The following EFL1 variants were observed in gnomAD, a reference collection of about 807,000 sequenced individuals.
EFL1 encodes the protein elongation factor like GTPase 1, also known as elongation factor-like GTPase 1.
EFL1 carries 76 observed loss-of-function variants against 126.7 expected under a neutral mutation model. The observed-to-expected ratio is 0.60, with a 90% CI of 0.50 to 0.73. The LOEUF is 0.73. Among genes scored for constraint, EFL1 ranks in the 30% least tolerant of loss-of-function variants. The pLI is 0.00. For missense variants in EFL1, 1,128 were observed against 1,343.2 expected, an observed-to-expected ratio of 0.84 and a Z score of 2.50; for synonymous variants, 410 against 448.4, an observed-to-expected ratio of 0.91 and a Z score of 1.08.
chr15:82,191,592 A>G (rs2074360267), intron 15 of EFL1, among the ~76,000 whole-genome samples: 1 of 146,694 alleles, frequency 6.8e-6, no homozygotes, highest in Non-Finnish European at 1.5e-5. Context: ...GAGGGCAAGC[A>G]CTCATCCAGT....
At chr15:82,161,956 T>C (rs1273221639) in intron 16 of EFL1, among the ~76,000 whole-genome samples, 2 of 152,180 alleles carry the variant, frequency 1.3e-5, no homozygotes, top group Non-Finnish European at 2.9e-5. Flanking sequence ...CAGAGCCTTT[T>C]AAAAATTATA....
rs116661778 is a variant in EFL1 at position 82,251,283 on chromosome 15, G to A, written c.244+1408C>T. Reference sequence around the variant, plus strand: ...AGCCAAGGTCAAGGTCACAGAGCTCGATAAAATAGAGTTCAGACCATTCAG... The same window carrying A: ...AGCCAAGGTCAAGGTCACAGAGCTCAATAAAATAGAGTTCAGACCATTCAG... On this transcript the variant is annotated intron_variant, in intron 4 of 19. Coordinates refer to ENST00000268206, the MANE Select transcript of EFL1 (RefSeq NM_024580.6). Among the ~76,000 whole-genome samples, 348 of 152,274 alleles carry A rather than the reference G, an allele frequency of 2.3e-3. 3 individuals are homozygous for A. Among genetic ancestry groups the A allele is most frequent in the African/African-American group, 7.9e-3 (330 of 41,552 alleles).
At chr15:82,166,467 C>T (rs1450171766) in intron 15 of EFL1, among the ~76,000 whole-genome samples, 3 of 152,186 alleles carry the variant, frequency 2.0e-5, no homozygotes, top group Non-Finnish European at 4.4e-5. Context: ...ACCTGTACTA[C>T]ATGTCAACAT....
intron 8 of EFL1, among the ~76,000 whole-genome samples, chr15:82,229,655 A>G (rs2074800762): frequency 6.6e-6 from 1 of 152,184 alleles, no homozygotes; most frequent in South Asian, 2.1e-4. Flanking sequence ...TCCTTTCTGA[A>G]GAACTACTGG....
chr15:82,182,270 AAAC>A (rs1417193241), intron 15 of EFL1, among the ~76,000 whole-genome samples: 4 of 152,222 alleles, frequency 2.6e-5, no homozygotes, highest in Non-Finnish European at 5.9e-5. Flanking sequence ...AAGAATAAAC[AAAC>A]AACCAACCAA....
At chr15:82,188,897 A>G (rs1422719678) in intron 15 of EFL1, among the ~76,000 whole-genome samples, 1 of 147,538 alleles carries the variant, frequency 6.8e-6, no homozygotes, top group African/African-American at 2.5e-5. Context: ...AGATTTTGCA[A>G]TGTTAGAGAA....
intron 19 of EFL1, among the ~76,000 whole-genome samples, chr15:82,132,816 G>T (rs2073672720): frequency 6.6e-6 from 1 of 152,062 alleles, no homozygotes; most frequent in Non-Finnish European, 1.5e-5. Context: ...GGTTCTTCTG[G>T]GTCAGAGGGT....
intron 7 of EFL1, among the ~76,000 whole-genome samples, chr15:82,237,773 T>C (rs2074889218): frequency 1.3e-5 from 2 of 150,434 alleles, no homozygotes; most frequent in African/African-American, 4.9e-5. Flanking sequence ...CCAGATGTCC[T>C]TTAATGGGTG....
intron 15 of EFL1, among the ~76,000 whole-genome samples, chr15:82,207,491 C>T (rs1234929660): frequency 6.6e-6 from 1 of 151,734 alleles, no homozygotes; most frequent in Non-Finnish European, 1.5e-5. Context: ...GAAAAATATA[C>T]AGGTTAAAAA....
chr15:82,246,469 C>G (rs1266987743), intron 4 of EFL1, among the ~76,000 whole-genome samples: 1 of 151,944 alleles, frequency 6.6e-6, no homozygotes, highest in East Asian at 1.9e-4. Flanking sequence ...GTCTCATTAT[C>G]GGAGTAATTG....
chr15:82,217,341 C>A (rs1340995635), intron 14 of EFL1, among the ~76,000 whole-genome samples: 6 of 15,704 alleles, frequency 3.8e-4, no homozygotes, highest in Admixed American at 8.1e-4. Context: ...GAGATATATA[C>A]AAAAATAATC....
intron 18 of EFL1, among the ~76,000 whole-genome samples, chr15:82,144,456 C>G (rs538920829): frequency 1.7e-4 from 26 of 152,284 alleles, no homozygotes; most frequent in African/African-American, 6.0e-4. Flanking sequence ...AAGAGACCTA[C>G]TGTTTCAAAT....
chr15:82,180,466 T>G (rs1390635831), intron 15 of EFL1, among the ~76,000 whole-genome samples: 2 of 147,936 alleles, frequency 1.4e-5, no homozygotes, highest in Non-Finnish European at 3.0e-5. Context: ...GGAAAAACAA[T>G]GACCATGGCA....
chr15:82,216,235 T>A (rs1316013998), intron 14 of EFL1, among the ~76,000 whole-genome samples: 4 of 152,090 alleles, frequency 2.6e-5, no homozygotes, highest in African/African-American at 9.7e-5. Flanking sequence ...ATGACCTAAA[T>A]AAATAGATAA....
chr15:82,230,672 T>C (rs2074812112), intron 8 of EFL1, among the ~76,000 whole-genome samples, 176 bp downstream of exon 8: 1 of 152,190 alleles, frequency 6.6e-6, no homozygotes, highest in South Asian at 2.1e-4. Flanking sequence ...GAATTCTGTA[T>C]GAATAATACC....
intron 18 of EFL1, among the ~76,000 whole-genome samples, chr15:82,150,199 C>T (rs1052581798): frequency 1.3e-5 from 2 of 152,104 alleles, no homozygotes; most frequent in African/African-American, 4.8e-5. Context: ...TAATGACGCT[C>T]AGTCTCACAA....
At position 82,219,733 on chromosome 15, in the gene EFL1, C is replaced by A; in HGVS notation, c.1530G>T (p.Arg510=). The A allele has an allele frequency of 1.2e-6, 2 of 1,614,028 alleles. No homozygotes were observed. The highest frequency in any genetic ancestry group is 1.7e-6 in the Non-Finnish European group (2 of 1,179,976). ...CTCTTCGAGCCACACCACTGAACACCCGAGCAAATGCAATAAAAGACTCTT... is the reference window on the plus strand; with the variant it reads ...CTCTTCGAGCCACACCACTGAACACACGAGCAAATGCAATAAAAGACTCTT... ...NNQESFIAFA[R]VFSGVARRGK... Residue 510 remains arginine (R), a synonymous_variant, in exon 14 of 20, where the codon CGG becomes CGT. Transcript: ENST00000268206.
At chr15:82,217,498 T>G (rs1053208479) in intron 14 of EFL1, among the ~76,000 whole-genome samples, 6 of 145,966 alleles carry the variant, frequency 4.1e-5, no homozygotes, top group Admixed American at 2.8e-4. Context: ...GCTACGGGAA[T>G]AGGCATTAAC....
intron 18 of EFL1, among the ~76,000 whole-genome samples, chr15:82,148,051 A>G (rs1310992979): frequency 6.6e-6 from 1 of 152,138 alleles, no homozygotes; most frequent in African/African-American, 2.4e-5. Flanking sequence ...AGATTTTGGC[A>G]TATTTGTATT....
Sources: gnomAD v4.1 joint callset for allele counts (sites outside exome capture counted in the v4.1 genomes callset) on GRCh38, gnomAD v4.1.1 for gene constraint, MANE v1.5 for transcripts, NCBI Gene and HGNC (gene_info 2026-07-23, HGNC 2026-07-21) for gene names.